Variants in AEBP2 observed in about 807,000 individuals in gnomAD.
AEBP2 encodes zinc finger protein AEBP2.
Under a neutral mutation model 50.8 loss-of-function variants are expected in AEBP2, and 10 were observed. The observed-to-expected ratio is 0.20, with a 90% CI of 0.12 to 0.33. The LOEUF (loss-of-function observed/expected upper bound fraction) is 0.33, where lower values mean the gene tolerates loss of function less well. AEBP2 is among the 10% of genes least tolerant of loss of function. The pLI is 1.00. For synonymous variants in AEBP2, 296 were observed against 261.3 expected, an observed-to-expected ratio of 1.13 and a Z score of -1.28; for missense variants, 570 against 688.0, an observed-to-expected ratio of 0.83 and a Z score of 1.92.
At chr12:19,415,169 C>T (rs1040189075) in intron 1 of AEBP2, among the ~76,000 whole-genome samples, 1 of 150,016 alleles carries the variant, frequency 6.7e-6, no homozygotes, top group Non-Finnish European at 1.5e-5. Context: ...CAAAAATTAG[C>T]CTGGCATGGT....
At chr12:19,448,401 C>T (rs1339004265) in intron 1 of AEBP2, among the ~76,000 whole-genome samples, 1 of 151,876 alleles carries the variant, frequency 6.6e-6, no homozygotes, top group Non-Finnish European at 1.5e-5. Context: ...AGGAGAATAG[C>T]TTGAACCCGG....
intron 1 of AEBP2, among the ~76,000 whole-genome samples, chr12:19,420,328 A>AAT (rs1555179370): frequency 1.0e-4 from 8 of 76,586 alleles, no homozygotes; most frequent in African/African-American, 3.8e-4. Context: ...TGTGCTGACC[A>AAT]TTTTTTTTTT....
intron 1 of AEBP2, among the ~76,000 whole-genome samples, chr12:19,412,423 A>G (rs2095739784): frequency 1.3e-5 from 2 of 151,744 alleles, no homozygotes. Context: ...GACTATAGGC[A>G]CACGCCACCA....
At chr12:19,503,172 C>T (rs1385210283) in intron 5 of AEBP2, among the ~76,000 whole-genome samples, 1 of 152,034 alleles carries the variant, frequency 6.6e-6, no homozygotes, top group Non-Finnish European at 1.5e-5. Flanking sequence ...CTGTAAATTC[C>T]TTTGGGCGTT....
rs1483166112 is a variant in AEBP2 at position 19,519,357 on chromosome 12, A to G, written c.*1240A>G. On this transcript the variant is annotated 3_prime_UTR_variant, in exon 8 of 8. Transcript: ENST00000266508. ...GTGCTGCCAGAGGAATTGTTAATAA[A>G]AGCACCTTCTTTAACAATAAATGTC... is the stretch of plus-strand genomic sequence containing the variant. The G allele has an allele frequency of 1.3e-5, 2 of 152,602 alleles. No individual in the cohort carries two copies. The highest frequency in any genetic ancestry group is 4.8e-5 in the African/African-American group (2 of 41,452). 9.5% of individuals were successfully genotyped at this position (152,602 alleles called of 1,614,324 possible). A position where few individuals can be genotyped will look rare whatever the true frequency, so the allele number is the denominator to read the frequency against.
intron 1 of AEBP2, among the ~76,000 whole-genome samples, chr12:19,452,719 A>T (rs1565709705): frequency 6.6e-6 from 1 of 152,100 alleles, no homozygotes; most frequent in Admixed American, 6.6e-5. Flanking sequence ...GATATAGGGG[A>T]TTCTTAAATG....
chr12:19,453,041 T>C (rs1018708259), intron 1 of AEBP2, among the ~76,000 whole-genome samples: 2 of 146,222 alleles, frequency 1.4e-5, no homozygotes, highest in African/African-American at 5.0e-5. Flanking sequence ...TGATCTCGGC[T>C]CATTGCAAGC....
At chr12:19,476,455 C>T (rs1281000466) in intron 3 of AEBP2, among the ~76,000 whole-genome samples, 1 of 152,152 alleles carries the variant, frequency 6.6e-6, no homozygotes, top group Non-Finnish European at 1.5e-5. Flanking sequence ...AATTCTCCCG[C>T]CTCAGACTCC....
intron 1 of AEBP2, among the ~76,000 whole-genome samples, chr12:19,416,145 G>C (rs941918706): frequency 6.6e-6 from 1 of 152,104 alleles, no homozygotes; most frequent in African/African-American, 2.4e-5. Context: ...TAGCGTTGCC[G>C]TACTCCAGCT....
At chr12:19,465,725 A>G (rs1047714367) in intron 2 of AEBP2, among the ~76,000 whole-genome samples, 29 of 151,810 alleles carry the variant, frequency 1.9e-4, no homozygotes, top group Non-Finnish European at 3.4e-4. Flanking sequence ...ACTTAGTACT[A>G]CTATAAAAGA....
At chr12:19,444,166 A>G (rs1387645467) in intron 1 of AEBP2, among the ~76,000 whole-genome samples, 2 of 152,188 alleles carry the variant, frequency 1.3e-5, no homozygotes, top group African/African-American at 4.8e-5. Context: ...AAAAATTTAA[A>G]AAATTTTAAA....
intron 3 of AEBP2, among the ~76,000 whole-genome samples, chr12:19,473,653 G>A (rs1354399593): frequency 2.6e-5 from 4 of 152,068 alleles, no homozygotes; most frequent in African/African-American, 4.8e-5. Flanking sequence ...TGATTCTCCC[G>A]CCTTGGCCAC....
intron 1 of AEBP2, chr12:19,413,341 G>A (rs371361853): frequency 1.0e-5 from 11 of 1,088,966 alleles, no homozygotes; most frequent in Middle Eastern, 2.2e-4. Context: ...AACTGAGAAG[G>A]TGTCAGAACA....
At chr12:19,441,246 C>T (rs1665938591) in intron 1 of AEBP2, among the ~76,000 whole-genome samples, 1 of 152,068 alleles carries the variant, frequency 6.6e-6, no homozygotes, top group African/African-American at 2.4e-5. Context: ...TTAGAAGTAA[C>T]TGGAGAGTGA....
intron 1 of AEBP2, among the ~76,000 whole-genome samples, chr12:19,424,142 T>C (rs2095747260): frequency 2.0e-5 from 3 of 151,788 alleles, no homozygotes; most frequent in Admixed American, 2.0e-4. Flanking sequence ...AGCAAGGAGA[T>C]CAAGAAGAAA....
intron 4 of AEBP2, among the ~76,000 whole-genome samples, chr12:19,498,560 A>G (rs892520556): frequency 6.6e-6 from 1 of 152,168 alleles, no homozygotes; most frequent in African/African-American, 2.4e-5. Flanking sequence ...AAATCAGCAT[A>G]TATGTAATTC....
intron 5 of AEBP2, among the ~76,000 whole-genome samples, chr12:19,504,721 G>T (rs1268912615): frequency 6.6e-6 from 1 of 152,050 alleles, no homozygotes; most frequent in Non-Finnish European, 1.5e-5. Context: ...GTTCTTCCTT[G>T]TGTTGCCAAT....
At chr12:19,421,643 A>G (rs1647044561) in intron 1 of AEBP2, among the ~76,000 whole-genome samples, 1 of 152,168 alleles carries the variant, frequency 6.6e-6, no homozygotes, top group African/African-American at 2.4e-5. Context: ...ACAAAAAGGA[A>G]ACATTCAAAA....
chr12:19,447,051 A>G (rs534207350), intron 1 of AEBP2, among the ~76,000 whole-genome samples: 1 of 152,370 alleles, frequency 6.6e-6, no homozygotes, highest in African/African-American at 2.4e-5. Context: ...AGAATTCTAG[A>G]AAGCCTAACT....
Sources: allele counts gnomAD v4.1 joint callset (sites outside exome capture counted in the v4.1 genomes callset), GRCh38; gene constraint gnomAD v4.1.1; transcripts MANE v1.5; gene names NCBI Gene and HGNC (gene_info 2026-07-23, HGNC 2026-07-21).